The following COP1 variants were observed in gnomAD, a reference collection of about 807,000 sequenced individuals.
COP1 encodes E3 ubiquitin-protein ligase COP1.
COP1 carries 24 observed loss-of-function variants against 101.3 expected under a neutral mutation model. The observed-to-expected ratio is 0.24, with a 90% confidence interval of 0.17 to 0.33. The LOEUF (loss-of-function observed/expected upper bound fraction) is 0.33, where lower values mean the gene tolerates loss of function less well. Among genes scored for constraint, COP1 ranks in the 10% least tolerant of loss-of-function variants. The probability of loss-of-function intolerance (pLI) is 1.00; values close to 1 mark genes in which losing one functional copy is unlikely to be tolerated. For missense variants in COP1, 663 were observed against 906.2 expected, an observed-to-expected ratio of 0.73 and a Z score of 3.45; for synonymous variants, 347 against 341.9, an observed-to-expected ratio of 1.01 and a Z score of -0.17.
intron 11 of COP1, among the ~76,000 whole-genome samples, chr1:176,050,235 T>C (rs1434631819): frequency 6.6e-6 from 1 of 152,256 alleles, no homozygotes; most frequent in Non-Finnish European, 1.5e-5. Context: ...TGTAGGAAAC[T>C]AGCTGTATTC....
chr1:176,022,151 T>C (rs1185396653), intron 15 of COP1, among the ~76,000 whole-genome samples: 58 of 152,336 alleles, frequency 3.8e-4, no homozygotes, highest in Non-Finnish European at 7.3e-5. Context: ...ACTTGTAAAG[T>C]CTTTTATATG....
chr1:176,145,565 A>C (rs1336185450), intron 6 of COP1, among the ~76,000 whole-genome samples: 1 of 152,114 alleles, frequency 6.6e-6, no homozygotes, highest in Admixed American at 6.6e-5. Flanking sequence ...ACATAGTAGT[A>C]TTTTTTTGCC....
chr1:176,059,495 T>C (rs1428513261), intron 11 of COP1, among the ~76,000 whole-genome samples: 1 of 152,180 alleles, frequency 6.6e-6, no homozygotes, highest in Admixed American at 6.5e-5. Flanking sequence ...TCTTTCTTTT[T>C]TTTTTGAGAC....
intron 9 of COP1, among the ~76,000 whole-genome samples, chr1:176,101,821 C>T (rs932764720): frequency 6.6e-6 from 1 of 152,158 alleles, no homozygotes; most frequent in Non-Finnish European, 1.5e-5. Context: ...TTGATGGGAC[C>T]CTTAGACAGG....
chr1:176,109,965 C>A (rs1278970528), intron 9 of COP1, among the ~76,000 whole-genome samples: 2 of 152,018 alleles, frequency 1.3e-5, no homozygotes, highest in African/African-American at 4.8e-5. Context: ...ACAATTCTGA[C>A]CACATTCCAG....
intron 15 of COP1, among the ~76,000 whole-genome samples, chr1:176,016,684 T>C (rs544036164): frequency 3.9e-5 from 6 of 152,322 alleles, no homozygotes; most frequent in Admixed American, 2.6e-4. Context: ...TGTATGGAAT[T>C]TGTAATACAC....
intron 3 of COP1, among the ~76,000 whole-genome samples, chr1:176,169,852 C>T (rs1000853147): frequency 1.3e-5 from 2 of 152,212 alleles, no homozygotes; most frequent in African/African-American, 4.8e-5. Flanking sequence ...TACATGATAG[C>T]ATCTTTCTCA....
At chr1:176,030,797 A>T (rs1335560694) in intron 14 of COP1, among the ~76,000 whole-genome samples, 2 of 152,220 alleles carry the variant, frequency 1.3e-5, no homozygotes, top group Non-Finnish European at 2.9e-5. Flanking sequence ...CCAAAAAGAC[A>T]TGTTTCAGTC....
intron 3 of COP1, among the ~76,000 whole-genome samples, chr1:176,172,248 C>T (rs1018190042): frequency 6.6e-6 from 1 of 152,150 alleles, no homozygotes; most frequent in Non-Finnish European, 1.5e-5. Context: ...CGCTATATTG[C>T]GCAGACTGGT....
chr1:175,961,149 C>T (rs993145830), intron 18 of COP1, among the ~76,000 whole-genome samples: 3 of 152,192 alleles, frequency 2.0e-5, no homozygotes, highest in African/African-American at 4.8e-5. Flanking sequence ...TTCTGCCATG[C>T]TACTGGCCTC....
At chr1:176,019,463 AAATAATAAT>A (rs34362717) in intron 15 of COP1, among the ~76,000 whole-genome samples, 4,190 of 132,342 alleles carry the variant, frequency 0.032, 78 homozygotes, top group Middle Eastern at 0.046. Flanking sequence ...ACTCCATCTC[AAATAATAAT>A]AATAATAATA....
chr1:176,073,937 T>C (rs1677472313), intron 11 of COP1, among the ~76,000 whole-genome samples: 1 of 152,158 alleles, frequency 6.6e-6, no homozygotes, highest in South Asian at 2.1e-4. Flanking sequence ...TCTCAAATAC[T>C]TGTTTAGGCC....
intron 1 of COP1, among the ~76,000 whole-genome samples, chr1:176,186,049 CATAATA>C (rs921847095): frequency 1.3e-5 from 2 of 151,856 alleles, no homozygotes; most frequent in Non-Finnish European, 2.9e-5. Context: ...ATGATAAATA[CATAATA>C]ATAAGAGGAC....
chr1:176,123,226 C>CA (rs1173903204), intron 8 of COP1, among the ~76,000 whole-genome samples: 13 of 152,000 alleles, frequency 8.6e-5, no homozygotes, highest in African/African-American at 3.1e-4. Context: ...ATTCCAAAAA[C>CA]AATTAATTAA....
chr1:176,194,557 G>A (rs192176224), intron 1 of COP1, among the ~76,000 whole-genome samples: 372 of 152,146 alleles, frequency 2.4e-3, no homozygotes, highest in Non-Finnish European at 4.1e-3. Flanking sequence ...AGAATCACTC[G>A]AACCCAAGAG....
At chr1:175,969,543 A>G (rs1174080164) in intron 18 of COP1, among the ~76,000 whole-genome samples, 1 of 152,202 alleles carries the variant, frequency 6.6e-6, no homozygotes, top group Non-Finnish European at 1.5e-5. Context: ...CCATTAGATC[A>G]TACCCCTTTG....
chr1:175,945,271 A>G, intron 19 of COP1, 101 bp from the exon 20 acceptor site: 1 of 842,588 alleles, frequency 1.2e-6, no homozygotes. Flanking sequence ...AGCAAATTTA[A>G]AAAACGTTTC....
chr1:175,948,382 G>T (rs1649446446), intron 18 of COP1, among the ~76,000 whole-genome samples: 1 of 152,208 alleles, frequency 6.6e-6, no homozygotes. Flanking sequence ...GTCAGGCCAG[G>T]TGGCAGAGAG....
chr1:176,009,134 T>C (rs1046227218), intron 15 of COP1, among the ~76,000 whole-genome samples: 1 of 152,180 alleles, frequency 6.6e-6, no homozygotes, highest in Non-Finnish European at 1.5e-5. Context: ...CCCCCACCTT[T>C]GGCTGTTTTG....
Sources: allele counts gnomAD v4.1 joint callset (sites outside exome capture counted in the v4.1 genomes callset), GRCh38; gene constraint gnomAD v4.1.1; transcripts MANE v1.5; gene names NCBI Gene and HGNC (gene_info 2026-07-23, HGNC 2026-07-21).